USP35: variants seen among roughly 807,000 people sequenced by gnomAD.
The protein encoded by USP35 is ubiquitin carboxyl-terminal hydrolase 35.
USP35 carries 69 observed loss-of-function variants against 83.8 expected under a neutral mutation model. The ratio of observed to expected loss-of-function variants is 0.82; its 90% CI spans 0.68 to 1.01. USP35 has a LOEUF of 1.01. USP35 is among the 50% of genes least tolerant of loss of function. USP35 has a pLI of 0.00. For missense variants in USP35, 1,503 were observed against 1,362.5 expected (o/e 1.10, Z -1.62); for synonymous variants, 714 against 589.5 (o/e 1.21, Z -3.06).
the USP35 span, among the ~76,000 whole-genome samples, chr11:78,222,926 A>T: frequency 6.6e-6 from 1 of 152,200 alleles, no homozygotes; most frequent in Non-Finnish European, 1.5e-5. Flanking sequence ...GGTCACCGTG[A>T]CTACTCCCTG....
chr11:78,192,552 G>C (rs1863036226), intron 1 of USP35, among the ~76,000 whole-genome samples: 1 of 152,222 alleles, frequency 6.6e-6, no homozygotes, highest in Admixed American at 6.5e-5. Flanking sequence ...CATGGTGACA[G>C]CTGTCCTCAG....
the USP35 span, chr11:78,225,071 G>C: frequency 1.5e-6 from 2 of 1,353,388 alleles, no homozygotes; most frequent in Non-Finnish European, 2.1e-6. Context: ...TACCTAACCA[G>C]GCCGGCCTGA....
In USP35 at chr11:78,196,106, T is replaced by A; in HGVS notation, c.-10-130T>A. ...AGTGAAATGACGCCCTTGCCCCATT[T>A]CACAGATGAGAAAACTGAGGCCCAG... is the stretch of plus-strand genomic sequence containing the variant. On this transcript the variant is annotated intron_variant, in intron 1 of 10. Transcript: ENST00000529308. The surrounding 1 kb of genome is among the most constrained non-coding windows in gnomAD (Gnocchi z 4.8). The A allele has an allele frequency of 7.2e-7, 1 of 1,393,426 alleles. No homozygotes were observed. Among genetic ancestry groups the A allele is most frequent in the Non-Finnish European group, 9.3e-7 (1 of 1,074,552 alleles). The allele number at this position is 1,393,426 out of a possible 1,614,324, so 86.3% of individuals were successfully genotyped here.
At position 78,209,644 on chromosome 11, in the gene USP35, T is replaced by A. The variant is rs200193128; in HGVS notation, c.1789T>A (p.Ser597Thr). 1.6e-4 allele frequency: 259 copies of A among 1,614,074 alleles called. 2 individuals are homozygous for A. In the East Asian group the frequency reaches 5.7e-3, roughly 36 times the overall value. Residue 597 changes from serine (S) to threonine (T), a missense_variant, in exon 10 of 11, where the codon TCT becomes ACT. Coordinates refer to ENST00000529308, the MANE Select transcript of USP35 (RefSeq NM_020798.4). ...SSREEAFTDL[S>T]LAFPPPERCR... Reference sequence around the variant, plus strand: ...CCGGGAGGAGGCCTTCACGGACCTCTCTCTCGCCTTCCCTCCTCCTGAGCG... The same window carrying A: ...CCGGGAGGAGGCCTTCACGGACCTCACTCTCGCCTTCCCTCCTCCTGAGCG...
At chr11:78,226,499 G>A in the USP35 span, 1 of 1,613,876 alleles carries the variant, frequency 6.2e-7, no homozygotes, top group Non-Finnish European at 8.5e-7. Context: ...TTGCAGGGAG[G>A]GTGTTGCGTC....
At chr11:78,226,620 G>GCCC in the USP35 span, 3 of 1,500,468 alleles carry the variant, frequency 2.0e-6, no homozygotes, top group South Asian at 2.3e-5. Context: ...GCGGGGTGGG[G>GCCC]GAGCTATGGC....
chr11:78,202,741 C>A (rs553400582), intron 6 of USP35, among the ~76,000 whole-genome samples: 1 of 152,274 alleles, frequency 6.6e-6, no homozygotes, highest in Non-Finnish European at 1.5e-5. Flanking sequence ...TCATGAGCCC[C>A]CGACAGTGGA....
intron 9 of USP35, 46 bp downstream of exon 9, chr11:78,209,009 T>C (rs1241854880): frequency 6.3e-7 from 1 of 1,586,672 alleles, no homozygotes; most frequent in Non-Finnish European, 8.6e-7. Flanking sequence ...TAGAGGGTCC[T>C]TGGGGGCAAG....
At chr11:78,226,620 G>GGGGGCCCC in the USP35 span, 2 of 1,500,540 alleles carry the variant, frequency 1.3e-6, no homozygotes, top group Non-Finnish European at 1.9e-6. Flanking sequence ...GCGGGGTGGG[G>GGGGGCCCC]GAGCTATGGC....
intron 10 of USP35, among the ~76,000 whole-genome samples, chr11:78,213,192 C>G (rs1322969731): frequency 6.6e-6 from 1 of 152,184 alleles, no homozygotes; most frequent in East Asian, 1.9e-4. Flanking sequence ...GAGTCAGGCT[C>G]TCAGGGACAG....
chr11:78,205,634 C>G (rs555071832), intron 6 of USP35, among the ~76,000 whole-genome samples: 2 of 152,240 alleles, frequency 1.3e-5, no homozygotes, highest in East Asian at 3.9e-4. Flanking sequence ...CAGTCCTGAC[C>G]TGAAAGACCA....
In USP35 at chr11:78,209,987, A is replaced by T. The variant is rs755848623; in HGVS notation, c.2132A>T (p.Glu711Val). 3.7e-6 allele frequency: 6 copies of T among 1,612,962 alleles called. No homozygotes were observed. Among genetic ancestry groups the T allele is most frequent in the African/African-American group, 2.7e-5 (2 of 74,866 alleles). ...GAAGGAGAGAGGGAGAAAGAGGAGG[A>T]GGTGGAAGAGGAAGAAGAGAAGGTG... ...RGEGEREKEE[E>V]VEEEEEKVEK... Residue 711 changes from glutamate (E) to valine (V), a missense_variant, in exon 10 of 11, where the codon GAG becomes GTG. Transcript: ENST00000529308.
chr11:78,204,632 T>C (rs906047043), intron 6 of USP35, among the ~76,000 whole-genome samples: 12 of 152,180 alleles, frequency 7.9e-5, no homozygotes, highest in Non-Finnish European at 1.6e-4. Context: ...TTTGCCTCTA[T>C]TCATTCATGT....
chr11:78,206,020 T>C lies in USP35; in HGVS notation c.1376T>C (p.Leu459Ser), dbSNP rs1200183039. 1.9e-6 allele frequency: 3 copies of C among 1,613,286 alleles called. No individual in the cohort carries two copies. The highest frequency in any genetic ancestry group is 2.5e-6 in the Non-Finnish European group (3 of 1,179,348). Residue 459 changes from leucine (L) to serine (S), a missense_variant, in exon 7 of 11, where the codon TTA becomes TCA. Leu to Ser is a moderately radical substitution (Grantham distance 145, BLOSUM62 -2). Coordinates refer to ENST00000529308, the MANE Select transcript of USP35 (RefSeq NM_020798.4). ...TCYVNSILQA[L>S]FMASDFRHCV... is the part of the protein sequence containing the mutation. ...TATGTCAACAGCATCCTTCAGGCCT[T>C]ATTCATGGCGTCTGAGTAGGTGCTG...
chr11:78,231,022 A>G, the USP35 span, among the ~76,000 whole-genome samples: 1 of 152,238 alleles, frequency 6.6e-6, no homozygotes, highest in Non-Finnish European at 1.5e-5. Flanking sequence ...CTTATAAAAT[A>G]GGCAAGATAC....
intron 7 of USP35, among the ~76,000 whole-genome samples, chr11:78,206,450 G>C (rs1863533069): frequency 6.6e-6 from 1 of 152,130 alleles, no homozygotes; most frequent in African/African-American, 2.4e-5. Flanking sequence ...TTACTTAAAA[G>C]ATCAAAGTTT....
Position 78,197,859 on chromosome 11 carries a change from C to T in USP35, c.674-77C>T, listed in dbSNP as rs1346592980. ...CTAGAGGCCCAGCCCGGTTCGTTGG[C>T]TCCTGCAGGGCATGGTGTGCTGGGG... is the stretch of plus-strand genomic sequence containing the variant. On this transcript the variant is annotated intron_variant, in intron 2 of 10. Transcript: ENST00000529308. The T allele has an allele frequency of 1.4e-5, 21 of 1,546,124 alleles. 1 individual carries two copies. The East Asian group carries it at 3.2e-4, about 24-fold the overall frequency.
intron 3 of USP35, among the ~76,000 whole-genome samples, chr11:78,198,328 T>C (rs544578793): frequency 1.3e-5 from 2 of 152,314 alleles, no homozygotes; most frequent in South Asian, 4.1e-4. Context: ...GCCAGTGAGC[T>C]CTCAGCCTCA....
chr11:78,200,507 A>C (rs1590902842), intron 5 of USP35, 143 bp from the exon 6 acceptor site: 4 of 1,237,188 alleles, frequency 3.2e-6, no homozygotes, highest in Non-Finnish European at 4.4e-6. Context: ...CAGAGCTCAG[A>C]GCCCCATCTG....
Sources: gnomAD v4.1 joint callset for allele counts (sites outside exome capture counted in the v4.1 genomes callset) on GRCh38, gnomAD v4.1.1 for gene constraint, Gnocchi (gnomAD v3.1) non-coding constraint, MANE v1.5 for transcripts, NCBI Gene and HGNC (gene_info 2026-07-23, HGNC 2026-07-21) for gene names.